Variants in ATP2C2 observed in about 807,000 individuals in gnomAD.
ATP2C2 encodes the protein calcium-transporting ATPase type 2C member 2.
Under a neutral mutation model 110.8 loss-of-function variants are expected in ATP2C2, and 171 were observed. The observed-to-expected ratio is 1.54, with a 90% CI of 1.36 to 1.75. ATP2C2 has a LOEUF of 1.75. Among genes scored for constraint, ATP2C2 ranks in the 40% most tolerant of loss-of-function variants. The pLI is 0.00. For synonymous variants in ATP2C2, 804 were observed against 508.4 expected (o/e 1.58, Z -7.82); for missense variants, 1,963 against 1,235.0 (o/e 1.59, Z -8.84).
chr16:84,432,076 G>C (rs4782963), intron 11 of ATP2C2, among the ~76,000 whole-genome samples: 20,192 of 151,932 alleles, frequency 0.13, 1,500 homozygotes, highest in Non-Finnish European at 0.16. Context: ...CCCCCAACTC[G>C]GGGCTGGGTG....
chr16:84,459,711 G>A, intron 23 of ATP2C2: 1 of 867,084 alleles, frequency 1.2e-6, no homozygotes, highest in Admixed American at 2.3e-5. Flanking sequence ...TTCCCTGATT[G>A]CACTCCCACT....
At chr16:84,381,149 G>C (rs1320776925) in intron 1 of ATP2C2, among the ~76,000 whole-genome samples, 5 of 152,194 alleles carry the variant, frequency 3.3e-5, no homozygotes, top group Non-Finnish European at 5.9e-5. Flanking sequence ...TAGGTTTGGG[G>C]ATAGGCGGTG....
chr16:84,400,549 G>T (rs367707102), intron 2 of ATP2C2, among the ~76,000 whole-genome samples: 21 of 152,120 alleles, frequency 1.4e-4, no homozygotes, highest in African/African-American at 4.8e-4. Context: ...GGATGGTCTC[G>T]ATCTCCTGAC....
At chr16:84,370,417 C>T (rs767442732) in intron 1 of ATP2C2, among the ~76,000 whole-genome samples, 1 of 152,182 alleles carries the variant, frequency 6.6e-6, no homozygotes, top group Non-Finnish European at 1.5e-5. Flanking sequence ...ATGCTGTCTC[C>T]AGAGGCAGCC....
chr16:84,419,208 TAAAAAAA>T (rs59552270), intron 7 of ATP2C2, among the ~76,000 whole-genome samples: 13 of 47,494 alleles, frequency 2.7e-4, no homozygotes, highest in East Asian at 2.5e-3. Context: ...ACCCCATCTT[TAAAAAAA>T]AAAAAAAAAA....
At chr16:84,392,024 T>C (rs1485912592) in intron 1 of ATP2C2, among the ~76,000 whole-genome samples, 1 of 152,062 alleles carries the variant, frequency 6.6e-6, no homozygotes, top group Non-Finnish European at 1.5e-5. Context: ...TCAAATCATA[T>C]AACACCTCTT....
chr16:84,386,070 C>G (rs1567687545), intron 1 of ATP2C2, among the ~76,000 whole-genome samples: 1 of 152,188 alleles, frequency 6.6e-6, no homozygotes, highest in Non-Finnish European at 1.5e-5. Context: ...TGAGCACTTC[C>G]CTTTCTGGCA....
chr16:84,442,412 C>T lies in ATP2C2; in HGVS notation c.1312-98C>T. On this transcript the variant is annotated intron_variant, in intron 14 of 26. Transcript: ENST00000262429. ...AGTTGTTTTAAAGAGCAAGTCTTGT[C>T]CCCACAACCCCAGCTGTAAAAATGG... 4.5e-6 allele frequency: 5 copies of T among 1,116,156 alleles called. No individual in the cohort carries two copies. In the East Asian group the frequency reaches 7.3e-5, roughly 16 times the overall value. The allele number at this position is 1,116,156 out of a possible 1,614,324, so 69.1% of individuals were successfully genotyped here.
Position 84,439,531 on chromosome 16 carries a change from G to C in ATP2C2, c.1209+7G>C, listed in dbSNP as rs247904. 0.85 allele frequency: 1,372,120 copies of C among 1,613,388 alleles called. 584,230 individuals are homozygous for C. The highest frequency in any genetic ancestry group is 0.94 in the East Asian group (42,198 of 44,870). ...AGATGGGCTTCGTGCCGAGGTGAGT[G>C]CCAAAGGAATTTACAAGCCTTAAGG... On this transcript the variant is annotated splice_region_variant and intron_variant, in intron 13 of 26. Coordinates refer to ENST00000262429, the MANE Select transcript of ATP2C2 (RefSeq NM_014861.4).
chr16:84,461,883 C>T (rs1246916021), intron 25 of ATP2C2, 71 bp downstream of exon 25: 41 of 1,608,140 alleles, frequency 2.5e-5, no homozygotes, highest in Non-Finnish European at 3.5e-5. Flanking sequence ...CCGACCCTGC[C>T]CGCAGCATTG....
chr16:84,393,394 T>C lies in ATP2C2; in HGVS notation c.100-5105T>C, dbSNP rs1392200213. 2.0e-5 allele frequency among the ~76,000 whole-genome samples: 3 copies of C among 151,966 alleles called. No individual in the cohort carries two copies. The South Asian group carries it at 6.3e-4, about 32-fold the overall frequency. ...CTCAGTCACCAACCCAGGGACTCTG[T>C]TTCCTGACTGTCACGAGACTGGACT... On this transcript the variant is annotated intron_variant, in intron 1 of 26. Coordinates refer to ENST00000262429, the MANE Select transcript of ATP2C2 (RefSeq NM_014861.4).
At chr16:84,431,187 G>T (rs564272687) in intron 11 of ATP2C2, among the ~76,000 whole-genome samples, 98 of 152,244 alleles carry the variant, frequency 6.4e-4, no homozygotes, top group African/African-American at 2.3e-3. Context: ...AATAACTGCC[G>T]AGAAAGAGAT....
chr16:84,454,837 C>A lies in ATP2C2; in HGVS notation c.2000C>A (p.Ala667Glu). 6.2e-7 allele frequency: 1 copy of A among 1,610,158 alleles called. No individual in the cohort carries two copies. The highest frequency in any genetic ancestry group is 8.5e-7 in the Non-Finnish European group (1 of 1,178,366). The stretch of plus-strand genomic sequence containing the variant: ...CCAAAGGCTCTGCAGGAGTCAGGGG[C>A]GATCGTGGCCATGACTGGGGATGGG... ...KIIKALQESG[A>E]IVAMTGDGVN... The change falls in exon 21 of 27, where the codon GCG becomes GAG. Residue 667 changes from alanine to glutamate, a missense_variant. By Grantham distance (107) the Ala-to-Glu change is moderately radical. Coordinates refer to ENST00000262429, the MANE Select transcript of ATP2C2 (RefSeq NM_014861.4).
chr16:84,375,211 A>C (rs1002431823), intron 1 of ATP2C2, among the ~76,000 whole-genome samples: 1 of 152,252 alleles, frequency 6.6e-6, no homozygotes, highest in African/African-American at 2.4e-5. Context: ...GTAATGACAC[A>C]GTGGACGGCT....
chr16:84,393,880 G>A (rs1904810364), intron 1 of ATP2C2, among the ~76,000 whole-genome samples: 1 of 151,914 alleles, frequency 6.6e-6, no homozygotes, highest in Admixed American at 6.6e-5. Context: ...AAAAGGCTAG[G>A]CATGGTGGCT....
At chr16:84,409,150 G>A (rs1029360670) in intron 4 of ATP2C2, among the ~76,000 whole-genome samples, 4 of 152,052 alleles carry the variant, frequency 2.6e-5, no homozygotes, top group Non-Finnish European at 5.9e-5. Context: ...TCCTTTGCAG[G>A]GACATGGATG....
chr16:84,420,677 A>G (rs191451894), intron 7 of ATP2C2, among the ~76,000 whole-genome samples: 3 of 152,054 alleles, frequency 2.0e-5, no homozygotes, highest in African/African-American at 7.2e-5. Context: ...TCAGATCCCC[A>G]TAGATTTCCC....
chr16:84,415,764 AG>A (rs1215933034), intron 7 of ATP2C2, among the ~76,000 whole-genome samples, 173 bp downstream of exon 7: 1 of 152,232 alleles, frequency 6.6e-6, no homozygotes, highest in Non-Finnish European at 1.5e-5. Flanking sequence ...CTACGCATAG[AG>A]CCCCTCAAAC....
intron 23 of ATP2C2, chr16:84,460,310 G>T: frequency 1.6e-5 from 6 of 367,488 alleles, no homozygotes; most frequent in South Asian, 1.5e-4. Flanking sequence ...GCTCTGCGGA[G>T]GGCGGAGCCT....
Sources: gnomAD v4.1 joint callset for allele counts (sites outside exome capture counted in the v4.1 genomes callset) on GRCh38, gnomAD v4.1.1 for gene constraint, MANE v1.5 for transcripts, NCBI Gene and HGNC (gene_info 2026-07-23, HGNC 2026-07-21) for gene names.